EIF4G2: variants seen among roughly 807,000 people sequenced by gnomAD.
The protein encoded by EIF4G2 is DAP-5.
EIF4G2 carries 8 observed loss-of-function variants against 117.7 expected under a neutral mutation model. The ratio of observed to expected loss-of-function variants is 0.07; its 90% CI spans 0.04 to 0.12. EIF4G2 has a LOEUF of 0.12. EIF4G2 is among the 10% of genes least tolerant of loss of function. The probability of loss-of-function intolerance (pLI) is 1.00; values close to 1 mark genes in which losing one functional copy is unlikely to be tolerated. For synonymous variants in EIF4G2, 413 were observed against 367.8 expected (o/e 1.12, Z -1.41); for missense variants, 812 against 1,086.2 (o/e 0.75, Z 3.55).
chr11:10,801,890 GA>G lies in EIF4G2; in HGVS notation c.1300-117del, dbSNP rs1847429710. The G allele has an allele frequency of 3.4e-6, 4 of 1,160,960 alleles. No individual in the cohort carries two copies. The South Asian group carries it at 5.8e-5, about 17-fold the overall frequency. The allele number at this position is 1,160,960 out of a possible 1,614,324, so 71.9% of individuals were successfully genotyped here. On this transcript the variant is annotated intron_variant, in intron 13 of 21. Transcript: ENST00000339995. ...GTTAGTTTAACTGAATTTGCCCAGA[GA>G]AAGTAAAAGATGAAACAGGGAAGAA...
chr11:10,801,253 A>C, intron 14 of EIF4G2, 166 bp from the exon 15 acceptor site: 1 of 927,026 alleles, frequency 1.1e-6, no homozygotes, highest in South Asian at 1.8e-5. Flanking sequence ...TTTGGCAAAA[A>C]ATTTAAAGAT....
chr11:10,799,033 T>A lies in EIF4G2; in HGVS notation c.2617A>T (p.Ile873Leu). The A allele has an allele frequency of 1.2e-6, 2 of 1,611,828 alleles. No homozygotes were observed. Among genetic ancestry groups the A allele is most frequent in the Non-Finnish European group, 1.7e-6 (2 of 1,179,508 alleles). Reference sequence around the variant, plus strand: ...CCTTTTCCCGGAAACTCTTGGGTTATATCTTCTTTCCAAGCCAAGAAAGCT... The same window carrying A: ...CCTTTTCCCGGAAACTCTTGGGTTAAATCTTCTTTCCAAGCCAAGAAAGCT... Residue 873 changes from isoleucine to leucine, a missense_variant, in exon 21 of 22, where the codon ATA becomes TTA. Coordinates refer to ENST00000339995, the MANE Select transcript of EIF4G2 (RefSeq NM_001418.4).
At chr11:10,804,091 A>T (rs1847495794) in intron 7 of EIF4G2, 41 bp from the exon 8 acceptor site, 1 of 1,612,428 alleles carries the variant, frequency 6.2e-7, no homozygotes, top group African/African-American at 1.3e-5. Flanking sequence ...ATTCAGAATT[A>T]AGCTGAAAAT....
In EIF4G2 at chr11:10,797,763, G is replaced by A. The variant is rs1459879058; in HGVS notation, c.*53C>T. ...TTTCGCAGTGGTTAGGTCAAATGCAGTTACATCATAGCAACAGTATGTTTT... is the reference window on the plus strand; with the variant it reads ...TTTCGCAGTGGTTAGGTCAAATGCAATTACATCATAGCAACAGTATGTTTT... On this transcript the variant is annotated 3_prime_UTR_variant, in exon 22 of 22. Transcript: ENST00000339995. This position sits in a 1 kb window ranked among gnomAD's most constrained non-coding sequence, Gnocchi z 4.5. The A allele has an allele frequency of 4.4e-6, 7 of 1,576,626 alleles. No homozygotes were observed. The East Asian group carries it at 1.3e-4, about 30-fold the overall frequency.
At chr11:10,798,924 G>T in intron 21 of EIF4G2, 68 bp downstream of exon 21, 1 of 1,543,092 alleles carries the variant, frequency 6.5e-7, no homozygotes, top group Non-Finnish European at 8.7e-7. Context: ...GTTGAAAAAG[G>T]CTCTTAACTT....
intron 18 of EIF4G2, 153 bp downstream of exon 18, chr11:10,799,937 A>G (rs1365330894): frequency 6.0e-6 from 7 of 1,173,000 alleles, no homozygotes; most frequent in Non-Finnish European, 8.3e-6. Context: ...GTTAAATTAT[A>G]AATCTCTCTT....
At position 10,800,828 on chromosome 11, in the gene EIF4G2, T is replaced by G; in HGVS notation, c.1547A>C (p.Gln516Pro). ...CGGTGGATTAGTTTTGAGACCAAGC[T>G]GAGGTGTCTAAAAAACAAGCAATGA... is the stretch of plus-strand genomic sequence containing the variant. Residue 516 changes from glutamine (Q) to proline (P), a missense_variant, in exon 16 of 22, where the codon CAG becomes CCG. By Grantham distance (76) the Gln-to-Pro change is moderately conservative (BLOSUM62 -1). Around this residue, in one of 4 missense-constraint regions of EIF4G2, gnomAD observed 571 missense variants for 642.3 expected, o/e 0.89. Coordinates refer to ENST00000339995, the MANE Select transcript of EIF4G2 (RefSeq NM_001418.4). 2 of 1,614,098 alleles carry G rather than the reference T, an allele frequency of 1.2e-6. No individual in the cohort carries two copies. Among genetic ancestry groups the G allele is most frequent in the Non-Finnish European group, 1.7e-6 (2 of 1,179,978 alleles).
chr11:10,800,454 G>C lies in EIF4G2; in HGVS notation c.1838C>G (p.Ala613Gly). The change falls in exon 17 of 22, where the codon GCC becomes GGC. Residue 613 changes from alanine (A) to glycine (G), a missense_variant. Ala to Gly is a moderately conservative substitution (Grantham distance 60). This residue lies in a region of EIF4G2 where 571 missense variants were observed against 642.3 expected (regional missense o/e 0.89). Transcript: ENST00000339995. The stretch of plus-strand genomic sequence containing the variant: ...TACCTGCATGAAGTTGTCACTTGTG[G>C]CTATCCCTTCCTGTTTGAGTAAACT... The C allele has an allele frequency of 6.2e-7, 1 of 1,614,120 alleles. No individual in the cohort carries two copies. The highest frequency in any genetic ancestry group is 8.5e-7 in the Non-Finnish European group (1 of 1,180,008).
In EIF4G2 at chr11:10,805,759, A is replaced by C. The variant is rs1847549388; in HGVS notation, c.248+148T>G. 3 of 1,234,462 alleles carry C rather than the reference A, an allele frequency of 2.4e-6. No homozygotes were observed. In the African/African-American group the frequency reaches 4.4e-5, roughly 18 times the overall value. 76.5% of individuals were successfully genotyped at this position (1,234,462 alleles called of 1,614,324 possible). A position where few individuals can be genotyped will look rare whatever the true frequency, so the allele number is the denominator to read the frequency against. On this transcript the variant is annotated intron_variant, in intron 4 of 21. Transcript: ENST00000339995. Reference sequence around the variant, plus strand: ...TGAGCCACAGTGCCTGGCCAGTTCAAGATATTTTTAAAAATTGCTACCATG... The same window carrying C: ...TGAGCCACAGTGCCTGGCCAGTTCACGATATTTTTAAAAATTGCTACCATG...
rs142114099 is a variant in EIF4G2, at chr11:10,802,364, G to A, written c.1068C>T (p.Phe356=). ...TATCCATTTTCATCCTGGGTGGCAT[G>A]AACGGTCCCTCCAGAAAGAAGTCAC... Residue 356 remains phenylalanine, a synonymous_variant, in exon 12 of 22, where the codon TTC becomes TTT. Coordinates refer to ENST00000339995, the MANE Select transcript of EIF4G2 (RefSeq NM_001418.4). The A allele has an allele frequency of 2.0e-5, 32 of 1,613,890 alleles. No individual in the cohort carries two copies. Among genetic ancestry groups the A allele is most frequent in the Admixed American group, 1.2e-4 (7 of 59,974 alleles).
In EIF4G2 at chr11:10,805,934, T is replaced by C; in HGVS notation, c.221A>G (p.His74Arg). Residue 74 changes from histidine to arginine, a missense_variant, in exon 4 of 22, where the codon CAT becomes CGT. His to Arg is a conservative substitution (Grantham distance 29). Around this residue, in one of 4 missense-constraint regions of EIF4G2, gnomAD observed 154 missense variants for 322.1 expected, o/e 0.48. Transcript: ENST00000339995. Reference sequence around the variant, plus strand: ...TCTTACTTTCCTGAAGATTGCATCATGTCGTTCTTTTTCGTTTGCGGAGTT... The same window carrying C: ...TCTTACTTTCCTGAAGATTGCATCACGTCGTTCTTTTTCGTTTGCGGAGTT... 6 of 1,614,238 alleles carry C rather than the reference T, an allele frequency of 3.7e-6. No individual in the cohort carries two copies. The highest frequency in any genetic ancestry group is 5.1e-6 in the Non-Finnish European group (6 of 1,180,030).
chr11:10,808,218 T>C (rs1847648960), intron 1 of EIF4G2: 2 of 1,135,676 alleles, frequency 1.8e-6, no homozygotes, highest in Non-Finnish European at 2.2e-6. Flanking sequence ...GCAGAAATCA[T>C]CACTCTCTCT....
chr11:10,799,485 CTT>C (rs1429946614), intron 19 of EIF4G2, 61 bp from the exon 20 acceptor site: 59 of 1,609,388 alleles, frequency 3.7e-5, no homozygotes, highest in Non-Finnish European at 4.6e-5. Context: ...AGAGACAACT[CTT>C]AGTCTCCTAC....
chr11:10,801,351 A>C lies in EIF4G2; in HGVS notation c.1414-264T>G, dbSNP rs558263910. On this transcript the variant is annotated intron_variant, in intron 14 of 21. Transcript: ENST00000339995. The stretch of plus-strand genomic sequence containing the variant: ...AAAATATTCAAATAAAAAACTGCAA[A>C]TTTAACTACAGTTTAGAAAATGCCC... The C allele has an allele frequency of 3.1e-5, 19 of 619,964 alleles. No individual in the cohort carries two copies. The East Asian group carries it at 5.5e-4, about 18-fold the overall frequency. 38.4% of individuals were successfully genotyped at this position (619,964 alleles called of 1,614,324 possible).
chr11:10,803,114 C>T lies in EIF4G2; in HGVS notation c.912G>A (p.Leu304=), dbSNP rs1421788907. The stretch of plus-strand genomic sequence containing the variant: ...TGCGAGGAACCCAATGGTGTTCTCG[C>T]AACTCTACGGTATCCTTTAATTGAA... Residue 304 remains leucine, a synonymous_variant, in exon 11 of 22, where the codon TTG becomes TTA. Coordinates refer to ENST00000339995, the MANE Select transcript of EIF4G2 (RefSeq NM_001418.4). This position sits in a 1 kb window ranked among gnomAD's most constrained non-coding sequence, Gnocchi z 4.0. 1.2e-6 allele frequency: 2 copies of T among 1,610,122 alleles called. No individual in the cohort carries two copies. The highest frequency in any genetic ancestry group is 2.7e-5 in the African/African-American group (2 of 74,816).
chr11:10,807,982 G>C (rs1391044913), intron 1 of EIF4G2: 5 of 1,028,396 alleles, frequency 4.9e-6, no homozygotes, highest in Admixed American at 6.1e-5. Context: ...CCACCCAGGC[G>C]CAAGTTAGGG....
chr11:10,805,837 T>C (rs1484764201), intron 4 of EIF4G2, 70 bp downstream of exon 4: 2 of 1,606,330 alleles, frequency 1.2e-6, no homozygotes, highest in African/African-American at 1.3e-5. Context: ...TTCTTAGTAA[T>C]ACAGCACACA....
chr11:10,808,124 C>T, intron 1 of EIF4G2: 1 of 1,050,820 alleles, frequency 9.5e-7, no homozygotes. Context: ...CCACCCGCCG[C>T]CTCCAAGCGG....
At chr11:10,801,143 T>A in intron 14 of EIF4G2, 56 bp from the exon 15 acceptor site, 1 of 1,603,772 alleles carries the variant, frequency 6.2e-7, no homozygotes, top group Non-Finnish European at 8.5e-7. Flanking sequence ...GCGAACATAT[T>A]AAATACAACA....
Sources: allele counts gnomAD v4.1 joint callset, GRCh38; gene constraint gnomAD v4.1.1; regional missense constraint gnomAD v4.1.1; non-coding constraint Gnocchi (gnomAD v3.1); transcripts MANE v1.5; gene names NCBI Gene and HGNC (gene_info 2026-07-23, HGNC 2026-07-21).